FXYD6: variants seen among roughly 807,000 people sequenced by gnomAD.
The protein encoded by FXYD6 is FXYD domain-containing ion transport regulator 6.
A neutral mutation model predicts 16.7 loss-of-function variants in FXYD6; 7 were observed. That is an observed-to-expected ratio of 0.42 (90% CI 0.24 to 0.79). The LOEUF is 0.79. FXYD6 is among the 30% of genes least tolerant of loss of function. The pLI is 0.28. For missense variants in FXYD6, 111 were observed against 116.2 expected, an observed-to-expected ratio of 0.95 and a Z score of 0.21; for synonymous variants, 49 against 43.0, an observed-to-expected ratio of 1.14 and a Z score of -0.54.
intron 1 of FXYD6, among the ~76,000 whole-genome samples, chr11:117,845,957 G>C (rs2056456991): frequency 1.3e-5 from 2 of 152,190 alleles, no homozygotes; most frequent in Non-Finnish European, 2.9e-5. Context: ...CATGAGCCTA[G>C]GACTGAAGTC....
intron 1 of FXYD6, among the ~76,000 whole-genome samples, chr11:117,856,609 A>G (rs982425565): frequency 2.0e-5 from 3 of 152,174 alleles, no homozygotes; most frequent in African/African-American, 7.2e-5. Flanking sequence ...TTTAGTCTAA[A>G]TGGTTACCCT....
At chr11:117,865,876 C>G (rs964003978) in intron 1 of FXYD6, among the ~76,000 whole-genome samples, 3 of 151,656 alleles carry the variant, frequency 2.0e-5, no homozygotes, top group Non-Finnish European at 2.9e-5. Flanking sequence ...GCAGTGAGAT[C>G]GTGCCATTGC....
At chr11:117,869,142 C>A (rs940217432) in intron 1 of FXYD6, 1 of 152,194 alleles carries the variant, frequency 6.6e-6, no homozygotes, top group Non-Finnish European at 1.5e-5. Context: ...AAATGATTGC[C>A]CGCCCCGCCC....
At chr11:117,848,159 A>G (rs979726665) in intron 1 of FXYD6, among the ~76,000 whole-genome samples, 6 of 152,186 alleles carry the variant, frequency 3.9e-5, no homozygotes, top group Non-Finnish European at 7.3e-5. Context: ...AATAGCAAAC[A>G]CACACGCACA....
In FXYD6 at chr11:117,842,756, G is replaced by A. The variant is rs2056381562; in HGVS notation, c.21C>T (p.Phe7=). The change falls in exon 2 of 8, where the codon TTC becomes TTT. Residue 7 remains phenylalanine (F), a synonymous_variant. Transcript: ENST00000526014. ...CCATGGGGGCCAGCAGGCTGCAGAG[G>A]AAGACCAGCACCAACTCCATGGCGT... MELVLV[F]LCSLLAPMVL... The A allele has an allele frequency of 4.5e-6, 7 of 1,569,280 alleles. No individual in the cohort carries two copies. Among genetic ancestry groups the A allele is most frequent in the Non-Finnish European group, 6.1e-6 (7 of 1,156,456 alleles).
rs2057154097 is a variant in FXYD6, at chr11:117,872,241, G to A, written c.-6+4351C>T. On this transcript the variant is annotated intron_variant, in intron 1 of 7. Coordinates refer to ENST00000526014, the MANE Select transcript of FXYD6 (RefSeq NM_022003.4). This position sits in a 1 kb window ranked among gnomAD's most constrained non-coding sequence, Gnocchi z 4.9. The stretch of plus-strand genomic sequence containing the variant: ...TGTGTGAGCCACTGCCTCCCTGTCG[G>A]GTGTGGGAGATTATATATGTGTGAG... Among the ~76,000 whole-genome samples, 1 of 152,172 alleles carries A rather than the reference G, an allele frequency of 6.6e-6. No homozygotes were observed. Among genetic ancestry groups the A allele is most frequent in the South Asian group, 2.1e-4 (1 of 4,830 alleles).
intron 1 of FXYD6, among the ~76,000 whole-genome samples, chr11:117,861,343 C>T (rs989989425): frequency 4.6e-5 from 7 of 152,316 alleles, no homozygotes; most frequent in Middle Eastern, 3.4e-3. Flanking sequence ...GGGGAGAAGT[C>T]GGCCAATAGC....
At chr11:117,844,140 C>T (rs1306018428) in intron 1 of FXYD6, 1 of 152,600 alleles carries the variant, frequency 6.6e-6, no homozygotes, top group Non-Finnish European at 1.5e-5. Flanking sequence ...GCAGCCGCCA[C>T]TGCACTTCAC....
chr11:117,851,322 G>C (rs1378054857), intron 1 of FXYD6, among the ~76,000 whole-genome samples: 1 of 152,180 alleles, frequency 6.6e-6, no homozygotes, highest in Non-Finnish European at 1.5e-5. Context: ...TGCTTGTTCT[G>C]AGTCAAGCTA....
chr11:117,865,298 A>C (rs1462563470), intron 1 of FXYD6, among the ~76,000 whole-genome samples: 1 of 152,250 alleles, frequency 6.6e-6, no homozygotes. Flanking sequence ...CATGGAAAAC[A>C]GTACAGTGGT....
intron 1 of FXYD6, among the ~76,000 whole-genome samples, chr11:117,874,545 C>G (rs1031464793): frequency 3.9e-5 from 6 of 152,344 alleles, no homozygotes; most frequent in African/African-American, 1.4e-4. Context: ...CTCCTTCCCT[C>G]TTTCTGGTTT....
At chr11:117,843,221 C>A (rs2134139360) in intron 1 of FXYD6, among the ~76,000 whole-genome samples, 1 of 152,346 alleles carries the variant, frequency 6.6e-6, no homozygotes, top group East Asian at 1.9e-4. Flanking sequence ...AGGCGTGAGC[C>A]ACCACCAGTT....
intron 5 of FXYD6, 103 bp from the exon 6 acceptor site, chr11:117,840,471 C>G: frequency 6.7e-7 from 1 of 1,492,562 alleles, no homozygotes; most frequent in Non-Finnish European, 9.3e-7. Flanking sequence ...CAGTCAGGCT[C>G]CTCCCAGTGC....
At chr11:117,871,782 A>G (rs1343666597) in intron 1 of FXYD6, among the ~76,000 whole-genome samples, 2 of 152,104 alleles carry the variant, frequency 1.3e-5, no homozygotes, top group Admixed American at 6.5e-5. Context: ...CTGTCCTCAC[A>G]CTCATTTGAC....
At chr11:117,866,449 C>T (rs909691407) in intron 1 of FXYD6, among the ~76,000 whole-genome samples, 9 of 152,160 alleles carry the variant, frequency 5.9e-5, no homozygotes, top group Admixed American at 2.6e-4. Flanking sequence ...CAAAATACAG[C>T]TTTTCAGACT....
At chr11:117,875,697 G>A (rs2057244222) in intron 1 of FXYD6, among the ~76,000 whole-genome samples, 1 of 152,198 alleles carries the variant, frequency 6.6e-6, no homozygotes, top group African/African-American at 2.4e-5. Context: ...GTGGCAGAGA[G>A]CACACTGGTG....
chr11:117,867,879 TG>T (rs2057044182), intron 1 of FXYD6, among the ~76,000 whole-genome samples: 1 of 151,934 alleles, frequency 6.6e-6, no homozygotes. Context: ...AAAAGATGCC[TG>T]GAAATCAACT....
At chr11:117,871,033 A>C (rs1380251120) in intron 1 of FXYD6, among the ~76,000 whole-genome samples, 1 of 152,188 alleles carries the variant, frequency 6.6e-6, no homozygotes, top group Non-Finnish European at 1.5e-5. Flanking sequence ...TCAGGCATTT[A>C]AAACTTTCTC....
intron 1 of FXYD6, among the ~76,000 whole-genome samples, chr11:117,848,947 T>C (rs986383446): frequency 1.3e-5 from 2 of 152,196 alleles, no homozygotes; most frequent in Non-Finnish European, 2.9e-5. Context: ...CTTTTTATTG[T>C]ATGTTTTAAA....
Sources: gnomAD v4.1 joint callset for allele counts (sites outside exome capture counted in the v4.1 genomes callset) on GRCh38, gnomAD v4.1.1 for gene constraint, Gnocchi (gnomAD v3.1) non-coding constraint, MANE v1.5 for transcripts, NCBI Gene and HGNC (gene_info 2026-07-23, HGNC 2026-07-21) for gene names.